FGF13: variants seen among roughly 807,000 people sequenced by gnomAD.
FGF13 encodes fibroblast growth factor 13, also known as fibroblast growth factor homologous factor 2.
Under a neutral mutation model 19.5 loss-of-function variants are expected in FGF13, and 2 were observed. The observed-to-expected ratio is 0.10, with a 90% CI of 0.04 to 0.32. The LOEUF is 0.32. Among genes scored for constraint, FGF13 ranks in the 10% least tolerant of loss-of-function variants. The pLI is 1.00. For synonymous variants in FGF13, 72 were observed against 76.9 expected, an observed-to-expected ratio of 0.94 and a Z score of 0.33; for missense variants, 113 against 192.7, an observed-to-expected ratio of 0.59 and a Z score of 2.45.
chrX:139,195,563 A>T (rs1468005594), intron 1 of FGF13, among the ~76,000 whole-genome samples: 1 of 112,329 alleles, frequency 8.9e-6, no homozygotes, highest in African/African-American at 3.2e-5. Flanking sequence ...CCAGAACAGT[A>T]ACAAATGCTA....
At chrX:138,987,247 T>C (rs757801427) in intron 1 of FGF13, among the ~76,000 whole-genome samples, 15 of 112,137 alleles carry the variant, frequency 1.3e-4, no homozygotes, top group Non-Finnish European at 2.4e-4. Flanking sequence ...AGAAATCTAA[T>C]TATTTTAAGT....
At chrX:138,801,505 A>G (rs772703683) in intron 3 of FGF13, among the ~76,000 whole-genome samples, 1 of 111,378 alleles carries the variant, frequency 9.0e-6, no homozygotes, top group South Asian at 3.8e-4. Flanking sequence ...GTTCTCTCGT[A>G]TGTGGTGTCT....
intron 1 of FGF13, among the ~76,000 whole-genome samples, chrX:138,935,598 G>A (rs1483445157): frequency 1.8e-5 from 2 of 111,764 alleles, no homozygotes; most frequent in African/African-American, 3.3e-5. Context: ...TAGAGCACAC[G>A]AGATGATGTG....
At chrX:138,733,753 T>G (rs1392059571) in intron 1 of FGF13, among the ~76,000 whole-genome samples, 1 of 111,263 alleles carries the variant, frequency 9.0e-6, no homozygotes, top group Admixed American at 9.6e-5. Context: ...AGTTTTTATT[T>G]TTTGATCACA....
intron 1 of FGF13, among the ~76,000 whole-genome samples, chrX:139,073,349 A>C: frequency 9.0e-6 from 1 of 111,143 alleles, no homozygotes. Flanking sequence ...CAGTTTTCTC[A>C]GTTGTGAGTA....
At chrX:138,884,689 A>G (rs184331486) in intron 1 of FGF13, among the ~76,000 whole-genome samples, 1 of 112,167 alleles carries the variant, frequency 8.9e-6, no homozygotes, top group Admixed American at 9.5e-5. Flanking sequence ...GACATAAAGC[A>G]CTAGGGTATC....
intron 3 of FGF13, among the ~76,000 whole-genome samples, chrX:138,819,249 G>T (rs1051479064): frequency 1.8e-5 from 2 of 110,549 alleles, no homozygotes; most frequent in African/African-American, 6.6e-5. Context: ...CCTCAGTGGG[G>T]TTTTTTTAGG....
chrX:139,100,198 G>A (rs752413999), intron 1 of FGF13, among the ~76,000 whole-genome samples: 2 of 111,487 alleles, frequency 1.8e-5, no homozygotes, highest in South Asian at 7.5e-4. Flanking sequence ...AATTTGCAAA[G>A]CAGATGGCCC....
At position 138,929,854 on chromosome X, in the gene FGF13, C is replaced by CTG. The variant is rs577806507; in HGVS notation, c.-112-65206_-112-65205dup. Reference sequence around the variant, plus strand: ...GGTCCATTGTTGTGAACTGCCTTAGCTGTGTGTGTGTGTGTGTGTGTGTGT... The same window carrying CTG: ...GGTCCATTGTTGTGAACTGCCTTAGCTGTGTGTGTGTGTGTGTGTGTGTGTGT... On this transcript the variant is annotated intron_variant, in intron 1 of 2. Transcript: ENST00000421460. 6.7e-3 allele frequency among the ~76,000 whole-genome samples: 645 copies of CTG among 96,236 alleles called. 6 individuals are homozygous for CTG. Among genetic ancestry groups the CTG allele is most frequent in the African/African-American group, 0.016 (385 of 24,564 alleles). The allele number at this position is 96,236 out of a possible 115,157, so 83.6% of individuals were successfully genotyped here.
intron 1 of FGF13, among the ~76,000 whole-genome samples, chrX:139,164,906 G>GA (rs779184061): frequency 3.5e-4 from 36 of 103,382 alleles, no homozygotes; most frequent in East Asian, 3.3e-3. Context: ...TTGCCAAACT[G>GA]AAAAAAAAAA....
chrX:139,148,604 TAAAA>T (rs754469846), intron 1 of FGF13, among the ~76,000 whole-genome samples: 1 of 84,666 alleles, frequency 1.2e-5, no homozygotes, highest in African/African-American at 4.4e-5. Flanking sequence ...GCCATTGGTT[TAAAA>T]AAAAAAAAAA....
chrX:138,899,235 A>T (rs1384260623), intron 1 of FGF13, among the ~76,000 whole-genome samples: 1 of 111,687 alleles, frequency 9.0e-6, no homozygotes, highest in Non-Finnish European at 1.9e-5. Flanking sequence ...TAGAAACTCA[A>T]CAGTTACTGG....
chrX:138,964,870 C>G (rs781138684), intron 1 of FGF13, among the ~76,000 whole-genome samples: 2 of 111,467 alleles, frequency 1.8e-5, no homozygotes, highest in African/African-American at 3.3e-5. Flanking sequence ...GATCCACTCC[C>G]ATGGCCCAAA....
intron 1 of FGF13, among the ~76,000 whole-genome samples, chrX:138,738,469 G>C (rs1280858606): frequency 9.0e-6 from 1 of 111,388 alleles, no homozygotes; most frequent in Admixed American, 9.5e-5. Context: ...AATGTAGCTG[G>C]AGGAGTGATT....
At chrX:138,705,231 G>C (rs745621950) in intron 2 of FGF13, among the ~76,000 whole-genome samples, 1 of 111,409 alleles carries the variant, frequency 9.0e-6, no homozygotes, top group Non-Finnish European at 1.9e-5. Context: ...TAGAACTTCA[G>C]TTTTTAAAAT....
At chrX:138,966,419 G>A (rs923176062) in intron 1 of FGF13, among the ~76,000 whole-genome samples, 5 of 112,201 alleles carry the variant, frequency 4.5e-5, no homozygotes, top group African/African-American at 1.6e-4. Flanking sequence ...ACCTGGATGT[G>A]AGATGAGAGA....
intron 3 of FGF13, among the ~76,000 whole-genome samples, chrX:138,786,426 T>C (rs966611158): frequency 8.9e-6 from 1 of 111,754 alleles, no homozygotes; most frequent in African/African-American, 3.3e-5. Flanking sequence ...CAAAAGACCA[T>C]GGCAGCTCTT....
intron 3 of FGF13, among the ~76,000 whole-genome samples, chrX:138,665,264 A>G (rs1165268153): frequency 9.0e-6 from 1 of 111,310 alleles, no homozygotes; most frequent in East Asian, 2.8e-4. Context: ...TTCTTCAAGT[A>G]TCATAGGGAT....
chrX:138,690,229 A>C (rs1368231290), intron 3 of FGF13, among the ~76,000 whole-genome samples: 1 of 111,722 alleles, frequency 9.0e-6, no homozygotes, highest in Non-Finnish European at 1.9e-5. Context: ...CACTCATGAA[A>C]GTCAATAGTA....
Sources: allele counts gnomAD v4.1 joint callset (sites outside exome capture counted in the v4.1 genomes callset), GRCh38; gene constraint gnomAD v4.1.1; transcripts MANE v1.5; gene names NCBI Gene and HGNC (gene_info 2026-07-23, HGNC 2026-07-21).